Variants in TTC22 observed in about 807,000 individuals in gnomAD.
TTC22 encodes the protein tetratricopeptide repeat domain 22.
In TTC22, 42 loss-of-function variants were observed where a neutral mutation model predicts 48.2. That is an observed-to-expected ratio of 0.87 (90% CI 0.68 to 1.13). The LOEUF is 1.13. TTC22 is among the 50% of genes most tolerant of loss of function. TTC22 has a pLI of 0.00. For missense variants in TTC22, 784 were observed against 807.0 expected, an observed-to-expected ratio of 0.97 and a Z score of 0.34; for synonymous variants, 345 against 365.5, an observed-to-expected ratio of 0.94 and a Z score of 0.64.
intron 4 of TTC22, 43 bp downstream of exon 4, chr1:54,786,914 C>T (rs1262457053): frequency 5.6e-6 from 6 of 1,066,432 alleles, no homozygotes; most frequent in Non-Finnish European, 6.6e-6. Context: ...GGGTGCCAGG[C>T]TCCTTCTCAG....
chr1:54,793,106 C>A, intron 1 of TTC22: 1 of 152,272 alleles, frequency 6.6e-6, no homozygotes, highest in Non-Finnish European at 1.5e-5. Context: ...CTCATTCGAT[C>A]CTTATCACAA....
intron 3 of TTC22, chr1:54,787,412 T>C: frequency 3.5e-6 from 2 of 567,168 alleles, no homozygotes; most frequent in Non-Finnish European, 6.3e-6. Context: ...TCGACTCCTC[T>C]CCAACAGAGG....
At chr1:54,792,633 A>G (rs1646360757) in intron 1 of TTC22, among the ~76,000 whole-genome samples, 1 of 152,138 alleles carries the variant, frequency 6.6e-6, no homozygotes, top group Non-Finnish European at 1.5e-5. Flanking sequence ...GGGTTTCTCC[A>G]TGTTGGTCAG....
chr1:54,786,154 G>T lies in TTC22; in HGVS notation c.859-10C>A. The T allele has an allele frequency of 6.2e-7, 1 of 1,613,276 alleles. No homozygotes were observed. The highest frequency in any genetic ancestry group is 1.1e-5 in the South Asian group (1 of 90,984). On this transcript the variant is annotated splice_polypyrimidine_tract_variant and intron_variant, in intron 4 of 6. Transcript: ENST00000371276. ...TGGCAATCTCAATGGCCTAGGTAAG[G>T]GAGGAGTGCAAAAACAAACCACTTG...
chr1:54,784,670 G>C (rs1392534321), intron 5 of TTC22: 1 of 1,134,576 alleles, frequency 8.8e-7, no homozygotes, highest in Non-Finnish European at 1.1e-6. Flanking sequence ...CTCCTGCCTC[G>C]TACCTGCTGG....
Position 54,781,535 on chromosome 1 carries a change from C to T in TTC22, c.1418G>A (p.Gly473Asp). ...DAGSSHTDGF[G>D]CLLEALLAQW... ...CGCCAGCAGCGCCTCGAGCAGGCAG[C>T]CGAAGCCGTCGGTGTGGCTGGAGCC... The change falls in exon 7 of 7, where the codon GGC (glycine) becomes GAC (aspartate). Residue 473 changes from glycine (G) to aspartate (D), a missense_variant. Transcript: ENST00000371276. The T allele has an allele frequency of 1.3e-6, 2 of 1,515,714 alleles. No individual in the cohort carries two copies. Among genetic ancestry groups the T allele is most frequent in the Non-Finnish European group, 1.8e-6 (2 of 1,139,186 alleles). 93.9% of individuals were successfully genotyped at this position (1,515,714 alleles called of 1,614,324 possible). A position where few individuals can be genotyped will look rare whatever the true frequency, so the allele number is the denominator to read the frequency against.
At chr1:54,798,415 C>T (rs1349984706) in intron 1 of TTC22, among the ~76,000 whole-genome samples, 1 of 152,244 alleles carries the variant, frequency 6.6e-6, no homozygotes, top group African/African-American at 2.4e-5. Context: ...ACTGTTGATA[C>T]CAACCTTTGG....
intron 1 of TTC22, among the ~76,000 whole-genome samples, chr1:54,792,287 G>A (rs1434789525): frequency 6.6e-6 from 1 of 152,184 alleles, no homozygotes; most frequent in Admixed American, 6.5e-5. Flanking sequence ...TTGCAGATGG[G>A]GTCAGTGGAA....
chr1:54,781,687 C>T lies in TTC22; in HGVS notation c.1266G>A (p.Ala422=), dbSNP rs760603707. Residue 422 remains alanine (A), a synonymous_variant, in exon 7 of 7, where the codon GCG becomes GCA. Transcript: ENST00000371276. ...GCGTGGCACCCAGCTCCGACTCGCC[C>T]GCCTTGGCCAGGAACACCAGCGCCT... is the stretch of plus-strand genomic sequence containing the variant. ...LNQALVFLAK[A]GESELGATLP... is the part of the protein sequence containing the mutation. 1.3e-6 allele frequency: 2 copies of T among 1,530,430 alleles called. No individual in the cohort carries two copies. Among genetic ancestry groups the T allele is most frequent in the African/African-American group, 1.4e-5 (1 of 72,304 alleles). The allele number at this position is 1,530,430 out of a possible 1,614,324, so 94.8% of individuals were successfully genotyped here. A position where few individuals can be genotyped will look rare whatever the true frequency, so the allele number is the denominator to read the frequency against.
At chr1:54,785,413 G>A (rs1253541443) in intron 5 of TTC22, 1 of 313,170 alleles carries the variant, frequency 3.2e-6, no homozygotes, top group Admixed American at 4.4e-5. Context: ...ACTCTGGTCA[G>A]TCTGATTCCA....
chr1:54,790,857 CCTTCTT>C (rs71737449), intron 1 of TTC22, among the ~76,000 whole-genome samples: 1 of 151,796 alleles, frequency 6.6e-6, no homozygotes. Context: ...TCCTCCTCCT[CCTTCTT>C]CTTCTTCCTC....
At chr1:54,798,937 T>C (rs1646412163) in intron 1 of TTC22, among the ~76,000 whole-genome samples, 1 of 152,202 alleles carries the variant, frequency 6.6e-6, no homozygotes, top group African/African-American at 2.4e-5. Flanking sequence ...AACTAGGTGC[T>C]CAGAACGAAA....
chr1:54,800,883 T>TGGGCCACCTCGAGGAAGCACTCGC lies in TTC22; in HGVS notation c.257_280dup (p.Arg86_Ala93dup). On this transcript the variant is annotated inframe_insertion, in exon 1 of 7. Coordinates refer to ENST00000371276, the MANE Select transcript of TTC22 (RefSeq NM_001114108.2). ...GGCATTGAGGTTGCCCGGGTGCTCG[T>TGGGCCACCTCGAGGAAGCACTCGC]GGGCCACCTCGAGGAAGCACTCGCG... 6.2e-7 allele frequency: 1 copy of TGGGCCACCTCGAGGAAGCACTCGC among 1,610,766 alleles called. No individual in the cohort carries two copies. The highest frequency in any genetic ancestry group is 8.5e-7 in the Non-Finnish European group (1 of 1,179,428).
intron 1 of TTC22, among the ~76,000 whole-genome samples, chr1:54,799,097 G>A (rs1646413496): frequency 6.6e-6 from 1 of 152,196 alleles, no homozygotes; most frequent in Non-Finnish European, 1.5e-5. Flanking sequence ...ACTCTCTCTG[G>A]AGGTTTGTGT....
At chr1:54,786,241 C>G (rs1646300205) in intron 4 of TTC22, 97 bp from the exon 5 acceptor site, 1 of 1,148,332 alleles carries the variant, frequency 8.7e-7, no homozygotes, top group South Asian at 1.4e-5. Context: ...TCTTTGGATA[C>G]AGCCGTATCA....
Position 54,781,454 on chromosome 1 carries a change from C to A in TTC22, c.1499G>T (p.Trp500Leu). ...DGELGREVDA[W>L]LRRAQDKYPA... ...GTACTTGTCCTGGGCGCGGCGCAGC[C>A]AGGCGTCCACCTCGCGGCCCAGCTC... is the stretch of plus-strand genomic sequence containing the variant. Residue 500 changes from tryptophan (W) to leucine (L), a missense_variant, in exon 7 of 7, where the codon TGG becomes TTG. Physicochemically the swap from Trp to Leu is moderately conservative, Grantham distance 61. Transcript: ENST00000371276. The A allele has an allele frequency of 6.9e-7, 1 of 1,452,982 alleles. No individual in the cohort carries two copies. The highest frequency in any genetic ancestry group is 9.0e-7 in the Non-Finnish European group (1 of 1,112,756). The allele number at this position is 1,452,982 out of a possible 1,614,324, so 90.0% of individuals were successfully genotyped here.
At chr1:54,785,726 T>C (rs1450749511) in intron 5 of TTC22, 3 of 469,822 alleles carry the variant, frequency 6.4e-6, no homozygotes, top group African/African-American at 5.9e-5. Flanking sequence ...GGCGGGAGGA[T>C]TGCTTGAGCT....
In TTC22 at chr1:54,801,141, G is replaced by A; in HGVS notation, c.23C>T (p.Ala8Val). Residue 8 changes from alanine to valine, a missense_variant, in exon 1 of 7, where the codon GCC (alanine) becomes GTC (valine). Coordinates refer to ENST00000371276, the MANE Select transcript of TTC22 (RefSeq NM_001114108.2). ...GTCGATGAGGGCGTCTAGATCGTCG[G>A]CCACAGCCTCCAGCTCCGCCATGAC... MAELEAVADDLDALIDDL... is the reference protein window; with the variant it reads MAELEAVVDDLDALIDDL... The A allele has an allele frequency of 6.2e-7, 1 of 1,611,002 alleles. No individual in the cohort carries two copies. The highest frequency in any genetic ancestry group is 8.5e-7 in the Non-Finnish European group (1 of 1,178,550).
chr1:54,800,639 TG>T lies in TTC22; in HGVS notation c.524del (p.Ala175GlufsTer10). ...GCGCCTTGTCGTAGAGCGCGATGCC[TG>T]CCGCCAGCCCCCGCGCACGCTCCTC... is the stretch of plus-strand genomic sequence containing the variant. ...SPEERARGLAAGIALYDKALG... is the reference protein window; with the variant it reads ...SPEERARGLAXGIALYDKALG... On this transcript the variant is annotated frameshift_variant, in exon 1 of 7. Transcript: ENST00000371276. LOFTEE classifies it high-confidence loss of function. The T allele has an allele frequency of 6.4e-7, 1 of 1,554,076 alleles. No homozygotes were observed. The highest frequency in any genetic ancestry group is 8.6e-7 in the Non-Finnish European group (1 of 1,161,682).
Sources: gnomAD v4.1 joint callset for allele counts (sites outside exome capture counted in the v4.1 genomes callset) on GRCh38, gnomAD v4.1.1 for gene constraint, MANE v1.5 for transcripts, NCBI Gene and HGNC (gene_info 2026-07-23, HGNC 2026-07-21) for gene names.